The following CSMD3 variants were observed in gnomAD, a reference collection of about 807,000 sequenced individuals.
The protein encoded by CSMD3 is CUB and Sushi multiple domains 3.
Under a neutral mutation model 435.2 loss-of-function variants are expected in CSMD3, and 177 were observed. The observed-to-expected ratio is 0.41, with a 90% confidence interval of 0.36 to 0.46. The LOEUF is 0.46. Ranked by LOEUF, CSMD3 falls within the 20% of genes least tolerant of loss-of-function variation. The pLI, the probability that CSMD3 is intolerant of heterozygous loss-of-function variation, is 0.34. For missense variants in CSMD3, 4,265 were observed against 4,504.6 expected, an observed-to-expected ratio of 0.95 and a Z score of 1.52; for synonymous variants, 1,656 against 1,520.5, an observed-to-expected ratio of 1.09 and a Z score of -2.07.
chr8:112,805,300 G>A (rs752622053), intron 12 of CSMD3, among the ~76,000 whole-genome samples: 3 of 152,132 alleles, frequency 2.0e-5, no homozygotes, highest in Admixed American at 6.6e-5. Flanking sequence ...CTCACACTGT[G>A]CTGGATAAGT....
chr8:112,279,013 AAACAACAACAACAACAACAACAAC>A (rs200149218), intron 59 of CSMD3, among the ~76,000 whole-genome samples: 1 of 119,122 alleles, frequency 8.4e-6, no homozygotes, highest in African/African-American at 2.6e-5. Flanking sequence ...CACCCCCAAA[AAACAACAACAACAACAACAACAAC>A]AACAACAACA....
At position 112,358,155 on chromosome 8, in the gene CSMD3, A is replaced by G. The variant is rs553930006; in HGVS notation, c.6137-5621T>C. 1.5e-4 allele frequency among the ~76,000 whole-genome samples: 23 copies of G among 152,206 alleles called. No homozygotes were observed. The South Asian group carries it at 4.6e-3, about 30-fold the overall frequency. ...TGGCACTTTAAGATATGACTGCCCC[A>G]TTTGATTTTGAACTTGCATGGGGCC... On this transcript the variant is annotated intron_variant, in intron 38 of 70. Coordinates refer to ENST00000297405, the MANE Select transcript of CSMD3 (RefSeq NM_198123.2).
At chr8:112,479,862 T>A (rs1171158701) in intron 31 of CSMD3, among the ~76,000 whole-genome samples, 4 of 151,758 alleles carry the variant, frequency 2.6e-5, no homozygotes, top group Non-Finnish European at 4.4e-5. Context: ...AAATGTGGGA[T>A]TGTAGAACCC....
At chr8:112,872,057 G>T (rs897480913) in intron 10 of CSMD3, among the ~76,000 whole-genome samples, 2 of 151,974 alleles carry the variant, frequency 1.3e-5, no homozygotes, top group African/African-American at 4.8e-5. Context: ...TAGATAATAG[G>T]AGTAGGCACT....
At chr8:112,423,898 A>C (rs1292254468) in intron 32 of CSMD3, among the ~76,000 whole-genome samples, 6 of 152,144 alleles carry the variant, frequency 3.9e-5, no homozygotes, top group African/African-American at 1.4e-4. Context: ...TGCGTTGTCT[A>C]GGCCTGGCAG....
intron 69 of CSMD3, 137 bp downstream of exon 69, chr8:112,231,408 A>G: frequency 1.4e-6 from 1 of 696,352 alleles, no homozygotes; most frequent in Non-Finnish European, 2.6e-6. Context: ...AGGGCTATCA[A>G]AGGTATCAAT....
intron 3 of CSMD3, among the ~76,000 whole-genome samples, chr8:113,206,308 T>C (rs1485678869): frequency 6.6e-6 from 1 of 152,180 alleles, no homozygotes; most frequent in Non-Finnish European, 1.5e-5. Context: ...TTACTACCAT[T>C]GCCATCCATC....
intron 41 of CSMD3, among the ~76,000 whole-genome samples, chr8:112,343,718 T>TC (rs1825394189): frequency 6.6e-6 from 1 of 152,100 alleles, no homozygotes; most frequent in South Asian, 2.1e-4. Flanking sequence ...TGATCACAGC[T>TC]CACTGTAAAC....
chr8:113,114,304 T>G lies in CSMD3; in HGVS notation c.710-15341A>C, dbSNP rs532757401. On this transcript the variant is annotated intron_variant, in intron 4 of 70. Coordinates refer to ENST00000297405, the MANE Select transcript of CSMD3 (RefSeq NM_198123.2). ...GTGAAAAGAAGCGAGACCAGTCAAT[T>G]GAGAAATAAATGGCAGAAAAATGAA... is the stretch of plus-strand genomic sequence containing the variant. Among the ~76,000 whole-genome samples, 3 of 152,144 alleles carry G rather than the reference T, an allele frequency of 2.0e-5. No homozygotes were observed. The South Asian group carries it at 6.2e-4, about 32-fold the overall frequency.
intron 27 of CSMD3, among the ~76,000 whole-genome samples, chr8:112,541,232 G>A (rs1248882872): frequency 6.6e-6 from 1 of 151,284 alleles, no homozygotes. Context: ...CGAACTAGAA[G>A]AACAAAGAAG....
chr8:112,369,804 A>G (rs1185381863), intron 38 of CSMD3, among the ~76,000 whole-genome samples: 4 of 151,996 alleles, frequency 2.6e-5, no homozygotes, highest in African/African-American at 9.7e-5. Flanking sequence ...AGGTGCAGCA[A>G]ACCACCATAG....
In CSMD3 at chr8:112,323,752, C is replaced by G. The variant is rs538626609; in HGVS notation, c.7166-3771G>C. Among the ~76,000 whole-genome samples the G allele has an allele frequency of 6.6e-5, 10 of 152,148 alleles. No individual in the cohort carries two copies. The South Asian group carries it at 1.7e-3, about 25-fold the overall frequency. ...TACCTTCAGTGTCTCCCTGATACTACCCTTCTTACATACAGTGAAGTGATA... is the reference window on the plus strand; with the variant it reads ...TACCTTCAGTGTCTCCCTGATACTAGCCTTCTTACATACAGTGAAGTGATA... On this transcript the variant is annotated intron_variant, in intron 45 of 70. Transcript: ENST00000297405.
Position 112,683,946 on chromosome 8 carries a change from A to T in CSMD3, c.2483-1310T>A, listed in dbSNP as rs541633617. 6.0e-4 allele frequency among the ~76,000 whole-genome samples: 91 copies of T among 151,804 alleles called. 1 individual carries two copies. In the East Asian group the frequency reaches 0.015, roughly 26 times the overall value. ...TTTTATTTTGTAATTTTAAAAACTC[A>T]ATTTTGATTAAGCAGTGTAACTCTA... On this transcript the variant is annotated intron_variant, in intron 15 of 70. Transcript: ENST00000297405.
At chr8:112,532,835 T>C (rs919386516) in intron 27 of CSMD3, among the ~76,000 whole-genome samples, 16 of 152,138 alleles carry the variant, frequency 1.1e-4, no homozygotes, top group African/African-American at 3.9e-4. Context: ...GTAACACTTG[T>C]GTCTTTAGTC....
rs1314228332 is a variant in CSMD3 at position 112,492,469 on chromosome 8, C to T, written c.5278+20G>A. ...ATTTTTTCTAATCATGAAAATTCAG[C>T]CAAAAAATATGTTCCTTACCATGAC... On this transcript the variant is annotated intron_variant, in intron 31 of 70. Coordinates refer to ENST00000297405, the MANE Select transcript of CSMD3 (RefSeq NM_198123.2). 4 of 1,604,040 alleles carry T rather than the reference C, an allele frequency of 2.5e-6. No individual in the cohort carries two copies. Among genetic ancestry groups the T allele is most frequent in the Non-Finnish European group, 3.4e-6 (4 of 1,171,054 alleles).
Position 112,503,850 on chromosome 8 carries a change from G to GA in CSMD3, c.5022_5023insT (p.His1675SerfsTer7). The GA allele has an allele frequency of 6.2e-7, 1 of 1,612,636 alleles. No individual in the cohort carries two copies. Among genetic ancestry groups the GA allele is most frequent in the Non-Finnish European group, 8.5e-7 (1 of 1,179,094 alleles). The stretch of plus-strand genomic sequence containing the variant: ...GATCCATCACTCCGAAAAGCCAAAT[G>GA]CATTGTATTTGAGCTGCTTTCTATT... On this transcript the variant is annotated frameshift_variant, in exon 30 of 71. Transcript: ENST00000297405. LOFTEE classifies it high-confidence loss of function.
At chr8:113,001,123 C>T (rs1357578258) in intron 6 of CSMD3, among the ~76,000 whole-genome samples, 2 of 151,980 alleles carry the variant, frequency 1.3e-5, no homozygotes, top group Non-Finnish European at 2.9e-5. Context: ...TCTAGGCAAT[C>T]GTCTTTTCTC....
At chr8:112,294,088 TG>T (rs569516326) in intron 54 of CSMD3, among the ~76,000 whole-genome samples, 17 of 151,484 alleles carry the variant, frequency 1.1e-4, no homozygotes, top group African/African-American at 2.2e-4. Flanking sequence ...TCAATTTGCT[TG>T]GGGGGGGTGT....
intron 17 of CSMD3, among the ~76,000 whole-genome samples, chr8:112,657,909 TC>T (rs1287735383): frequency 6.6e-6 from 1 of 152,222 alleles, no homozygotes; most frequent in Non-Finnish European, 1.5e-5. Flanking sequence ...TAGACAACTG[TC>T]TTCCTTAAAA....
Sources: gnomAD v4.1 joint callset for allele counts (sites outside exome capture counted in the v4.1 genomes callset) on GRCh38, gnomAD v4.1.1 for gene constraint, MANE v1.5 for transcripts, NCBI Gene and HGNC (gene_info 2026-07-23, HGNC 2026-07-21) for gene names.